CARD14: variants seen among roughly 807,000 people sequenced by gnomAD.
CARD14 encodes the protein caspase recruitment domain family member 14, also known as caspase recruitment domain-containing protein 14.
CARD14 carries 107 observed loss-of-function variants against 111.5 expected under a neutral mutation model. That is an observed-to-expected ratio of 0.96 (90% CI 0.82 to 1.13). CARD14 has a LOEUF of 1.13. CARD14 is among the 50% of genes most tolerant of loss of function. The pLI, the probability that CARD14 is intolerant of heterozygous loss-of-function variation, is 0.00. For synonymous variants in CARD14, 617 were observed against 579.6 expected (o/e 1.06, Z -0.93); for missense variants, 1,322 against 1,362.3 (o/e 0.97, Z 0.47).
At position 80,188,525 on chromosome 17, in the gene CARD14, G is replaced by T. The variant is rs117360605; in HGVS notation, c.824G>T (p.Arg275Leu). ...CTGAAGGAGGAGAATGAGAAACTGCGCTCGCTGACTTTCAGCCTGGTAGGT... is the reference window on the plus strand; with the variant it reads ...CTGAAGGAGGAGAATGAGAAACTGCTCTCGCTGACTTTCAGCCTGGTAGGT... ...NRLKEENEKL[R>L]SLTFSLAEKD... The change falls in exon 8 of 24, where the codon CGC becomes CTC. Residue 275 changes from arginine (R) to leucine (L), a missense_variant. Coordinates refer to ENST00000648509, the MANE Select transcript of CARD14 (RefSeq NM_001366385.1). The surrounding 1 kb of genome is among the most constrained non-coding windows in gnomAD (Gnocchi z 4.5). 6.6e-7 allele frequency: 1 copy of T among 1,521,856 alleles called. No homozygotes were observed. Among genetic ancestry groups the T allele is most frequent in the Non-Finnish European group, 8.8e-7 (1 of 1,133,736 alleles). The allele number at this position is 1,521,856 out of a possible 1,614,324, so 94.3% of individuals were successfully genotyped here. A position where few individuals can be genotyped will look rare whatever the true frequency, so the allele number is the denominator to read the frequency against.
At chr17:80,185,591 A>G (rs1200893639) in intron 7 of CARD14, among the ~76,000 whole-genome samples, 1 of 152,028 alleles carries the variant, frequency 6.6e-6, no homozygotes, top group Non-Finnish European at 1.5e-5. Flanking sequence ...TCTTTTTGGT[A>G]TGGACGCCCT....
intron 23 of CARD14, 111 bp from the exon 24 acceptor site, chr17:80,208,027 G>T (rs540795217): frequency 1.7e-5 from 13 of 758,446 alleles, no homozygotes; most frequent in Non-Finnish European, 2.4e-5. Context: ...CCCTCAAAGC[G>T]AGGCCACCTG....
rs2041211247 is a variant in CARD14 at position 80,205,054 on chromosome 17, G to C, written c.2418G>C (p.Trp806Cys). Residue 806 changes from tryptophan (W) to cysteine (C), a missense_variant, in exon 21 of 24, where the codon TGG (tryptophan) becomes TGC (cysteine). Trp to Cys is a radical substitution (Grantham distance 215). Transcript: ENST00000648509. Reference protein sequence around the residue: ...SRMEGSSTCFWAESCLTLVPY... With the variant: ...SRMEGSSTCFCAESCLTLVPY... ...CCACAGGCTCCAGCACGTGCTTCTG[G>C]GCCGAGAGCTGCCTCACCCTGGTGC... 6.2e-7 allele frequency: 1 copy of C among 1,603,032 alleles called. No homozygotes were observed. Among genetic ancestry groups the C allele is most frequent in the East Asian group, 2.2e-5 (1 of 44,584 alleles).
rs1044469683 is a variant in CARD14 at position 80,182,060 on chromosome 17, A to G, written c.211+411A>G. Among the ~76,000 whole-genome samples, 3 of 152,228 alleles carry G rather than the reference A, an allele frequency of 2.0e-5. No individual in the cohort carries two copies. Among genetic ancestry groups the G allele is most frequent in the Non-Finnish European group, 2.9e-5 (2 of 68,032 alleles). ...AAACACTCACTGCAAAGCTGGGGCCATAGAAAACAGGCAGTAGGTGGTAGC... is the reference window on the plus strand; with the variant it reads ...AAACACTCACTGCAAAGCTGGGGCCGTAGAAAACAGGCAGTAGGTGGTAGC... On this transcript the variant is annotated intron_variant, in intron 5 of 23. Transcript: ENST00000648509. This position sits in a 1 kb window ranked among gnomAD's most constrained non-coding sequence, Gnocchi z 4.7.
At chr17:80,206,792 A>T (rs2041343121) in intron 22 of CARD14, 178 bp from the exon 23 acceptor site, 1 of 417,542 alleles carries the variant, frequency 2.4e-6, no homozygotes, top group East Asian at 3.6e-5. Flanking sequence ...AAAAATAAAA[A>T]AAAGAGAGAA....
At chr17:80,205,002 C>T (rs370616093) in intron 20 of CARD14, 33 bp from the exon 21 acceptor site, 3 of 1,515,120 alleles carry the variant, frequency 2.0e-6, no homozygotes, top group Non-Finnish European at 2.7e-6. Flanking sequence ...GCTGCCGCAG[C>T]CTCACCCACC....
Position 80,201,743 on chromosome 17 carries a change from G to A in CARD14, c.1852-1G>A. ...GACTGACCTTCTCGACTTGCCCTCA[G>A]GTTGATTACGAAGCCTCAGAGCCCT... is the stretch of plus-strand genomic sequence containing the variant. On this transcript the variant is annotated splice_acceptor_variant, in intron 16 of 23. Transcript: ENST00000648509. LOFTEE classifies it high-confidence loss of function. This position sits in a 1 kb window ranked among gnomAD's most constrained non-coding sequence, Gnocchi z 5.0. The A allele has an allele frequency of 1.9e-6, 3 of 1,614,006 alleles. No individual in the cohort carries two copies. The highest frequency in any genetic ancestry group is 2.5e-6 in the Non-Finnish European group (3 of 1,179,968).
intron 6 of CARD14, among the ~76,000 whole-genome samples, chr17:80,183,168 AG>A (rs2040227932): frequency 6.6e-6 from 1 of 152,222 alleles, no homozygotes; most frequent in Admixed American, 6.5e-5. Context: ...CTCAGCTCTT[AG>A]GAGGCGACAG....
In CARD14 at chr17:80,201,833, C is replaced by T. The variant is rs777602482; in HGVS notation, c.1941C>T (p.Asp647=). The T allele has an allele frequency of 2.5e-5, 41 of 1,613,960 alleles. No individual in the cohort carries two copies. The highest frequency in any genetic ancestry group is 8.9e-5 in the East Asian group (4 of 44,874). ...EEAVGLLRRV[D]GFCCLSVKVN... The stretch of plus-strand genomic sequence containing the variant: ...CCGTGGGGCTTCTCAGGAGGGTGGA[C>T]GGCTTCTGCTGCCTGTCTGTGAAGG... Residue 647 remains aspartate, a synonymous_variant, in exon 17 of 24, where the codon GAC becomes GAT. Coordinates refer to ENST00000648509, the MANE Select transcript of CARD14 (RefSeq NM_001366385.1). The surrounding 1 kb of genome is among the most constrained non-coding windows in gnomAD (Gnocchi z 5.0).
rs745331681 is a variant in CARD14 at position 80,192,503 on chromosome 17, C to T, written c.1240C>T (p.Leu414Phe). 3 of 1,612,696 alleles carry T rather than the reference C, an allele frequency of 1.9e-6. No homozygotes were observed. The highest frequency in any genetic ancestry group is 2.5e-6 in the Non-Finnish European group (3 of 1,179,148). ...AGCCTGTCTGGCCTGTCTTTGGCAGCTCAAGCAGGAAGCCAGGACCAGGGA... is the reference window on the plus strand; with the variant it reads ...AGCCTGTCTGGCCTGTCTTTGGCAGTTCAAGCAGGAAGCCAGGACCAGGGA... ...RQLQAEPPGV[L>F]KQEARTREPC... Residue 414 changes from leucine (L) to phenylalanine (F), a missense_variant and splice_region_variant, in exon 12 of 24, where the codon CTC (leucine) becomes TTC (phenylalanine). By Grantham distance (22) the Leu-to-Phe change is conservative. Transcript: ENST00000648509.
At chr17:80,199,587 G>GA (rs1017797997) in intron 16 of CARD14, among the ~76,000 whole-genome samples, 9 of 120,552 alleles carry the variant, frequency 7.5e-5, no homozygotes, top group South Asian at 2.7e-4. Flanking sequence ...AAAAAGAAAA[G>GA]AAAAAAAAAG....
Position 80,205,615 on chromosome 17 carries a change from G to A in CARD14, c.2654G>A (p.Trp885Ter). Residue 885 changes from tryptophan (W) to a stop codon, truncating the protein, a stop_gained, in exon 22 of 24, where the codon TGG (tryptophan) becomes TAG (stop). Coordinates refer to ENST00000648509, the MANE Select transcript of CARD14 (RefSeq NM_001366385.1). LOFTEE classifies it high-confidence loss of function. Reference protein sequence around the residue: ...QEGEVSGGRCWVTRHAVESLM... With the variant: ...QEGEVSGGRC The stretch of plus-strand genomic sequence containing the variant: ...GGAGAGGTGTCCGGGGGCCGCTGCT[G>A]GGTGACCCGCCATGCTGTGGAGTCC... The A allele has an allele frequency of 6.4e-7, 1 of 1,567,512 alleles. No individual in the cohort carries two copies. The highest frequency in any genetic ancestry group is 1.3e-5 in the African/African-American group (1 of 74,134).
chr17:80,201,830 G>T lies in CARD14; in HGVS notation c.1938G>T (p.Val646=), dbSNP rs1255773294. ...LEEAVGLLRR[V]DGFCCLSVKV... Reference sequence around the variant, plus strand: ...AGGCCGTGGGGCTTCTCAGGAGGGTGGACGGCTTCTGCTGCCTGTCTGTGA... The same window carrying T: ...AGGCCGTGGGGCTTCTCAGGAGGGTTGACGGCTTCTGCTGCCTGTCTGTGA... The change falls in exon 17 of 24, where the codon GTG becomes GTT. Residue 646 remains valine (V), a synonymous_variant. Coordinates refer to ENST00000648509, the MANE Select transcript of CARD14 (RefSeq NM_001366385.1). The surrounding 1 kb of genome is among the most constrained non-coding windows in gnomAD (Gnocchi z 5.0). 3.1e-6 allele frequency: 5 copies of T among 1,614,002 alleles called. 1 individual carries two copies. In the South Asian group the frequency reaches 5.5e-5, roughly 18 times the overall value.
At chr17:80,177,381 A>G (rs1434981225) in intron 2 of CARD14, among the ~76,000 whole-genome samples, 2 of 152,028 alleles carry the variant, frequency 1.3e-5, no homozygotes, top group Non-Finnish European at 2.9e-5. Flanking sequence ...TGTGCACCAC[A>G]ACACCTGGCT....
Position 80,201,248 on chromosome 17 carries a change from G to A in CARD14, c.1852-496G>A, listed in dbSNP as rs896764846. The stretch of plus-strand genomic sequence containing the variant: ...ATATTGAGAAGAAATGAAGTGGATG[G>A]TGGAAGCCCTGGGGGGTGGGCCTTC... On this transcript the variant is annotated intron_variant, in intron 16 of 23. Transcript: ENST00000648509. The surrounding 1 kb of genome is among the most constrained non-coding windows in gnomAD (Gnocchi z 5.0). 1 of 161,602 alleles carries A rather than the reference G, an allele frequency of 6.2e-6. No individual in the cohort carries two copies. Among genetic ancestry groups the A allele is most frequent in the Non-Finnish European group, 1.4e-5 (1 of 73,104 alleles). 10.0% of individuals were successfully genotyped at this position (161,602 alleles called of 1,614,324 possible). A position where few individuals can be genotyped will look rare whatever the true frequency, so the allele number is the denominator to read the frequency against.
Position 80,198,845 on chromosome 17 carries a change from C to T in CARD14, c.1851+254C>T. On this transcript the variant is annotated intron_variant, in intron 16 of 23. Coordinates refer to ENST00000648509, the MANE Select transcript of CARD14 (RefSeq NM_001366385.1). This position sits in a 1 kb window ranked among gnomAD's most constrained non-coding sequence, Gnocchi z 7.5. ...TGACCAGGGGTCTTTGCATGAGGCC[C>T]CTTGACAGGGCTGCTCTGGGTGGTC... The T allele has an allele frequency of 1.4e-6, 2 of 1,456,846 alleles. No homozygotes were observed. The highest frequency in any genetic ancestry group is 1.4e-5 in the African/African-American group (1 of 70,848). 90.2% of individuals were successfully genotyped at this position (1,456,846 alleles called of 1,614,324 possible). A position where few individuals can be genotyped will look rare whatever the true frequency, so the allele number is the denominator to read the frequency against.
At position 80,206,149 on chromosome 17, in the gene CARD14, A is replaced by G. The variant is rs191047152; in HGVS notation, c.2691+497A>G. 2.9e-3 allele frequency among the ~76,000 whole-genome samples: 443 copies of G among 152,332 alleles called. 3 individuals carry two copies. The highest frequency in any genetic ancestry group is 0.01 in the Middle Eastern group (3 of 294). On this transcript the variant is annotated intron_variant, in intron 22 of 23. Transcript: ENST00000648509. ...AAGGGATGGAAACTCTTAATACTGC[A>G]TAGCACACAGCCTCATTTAGAAAGT...
rs2144242070 is a variant in CARD14, at chr17:80,189,154, T to C, written c.844-599T>C. On this transcript the variant is annotated intron_variant, in intron 8 of 23. Coordinates refer to ENST00000648509, the MANE Select transcript of CARD14 (RefSeq NM_001366385.1). The surrounding 1 kb of genome is among the most constrained non-coding windows in gnomAD (Gnocchi z 4.7). ...AGTGGACTTGGCCAATTGTAAAGCA[T>C]GGGATTCGCGTTAAGGATGGGGGAA... 6.6e-6 allele frequency among the ~76,000 whole-genome samples: 1 copy of C among 152,240 alleles called. No homozygotes were observed. The highest frequency in any genetic ancestry group is 2.1e-4 in the South Asian group (1 of 4,830).
chr17:80,195,302 G>T lies in CARD14; in HGVS notation c.1468G>T (p.Glu490Ter), dbSNP rs372805579. 11 of 1,612,738 alleles carry T rather than the reference G, an allele frequency of 6.8e-6. No individual in the cohort carries two copies. In the East Asian group the frequency reaches 2.2e-4, roughly 33 times the overall value. Residue 490 changes from glutamate to a stop codon, truncating the protein, a stop_gained, in exon 13 of 24, where the codon GAG (glutamate) becomes TAG (stop). Transcript: ENST00000648509. LOFTEE classifies it high-confidence loss of function. The surrounding 1 kb of genome is among the most constrained non-coding windows in gnomAD (Gnocchi z 4.7). ...GCAGTCCCTGTACAAGCGGGTGGCCGAGGACTTCGGGGAAGAACCCTGGTC... is the reference window on the plus strand; with the variant it reads ...GCAGTCCCTGTACAAGCGGGTGGCCTAGGACTTCGGGGAAGAACCCTGGTC... ...SQQSLYKRVA[E>*]DFGEEPWSFS...
Sources: allele counts gnomAD v4.1 joint callset (sites outside exome capture counted in the v4.1 genomes callset), GRCh38; gene constraint gnomAD v4.1.1; non-coding constraint Gnocchi (gnomAD v3.1); transcripts MANE v1.5; gene names NCBI Gene and HGNC (gene_info 2026-07-23, HGNC 2026-07-21).